The following PNPLA8 variants were observed in gnomAD, a reference collection of about 807,000 sequenced individuals.
The protein encoded by PNPLA8 is calcium-independent phospholipase A2-gamma.
Under a neutral mutation model 76.9 loss-of-function variants are expected in PNPLA8, and 39 were observed. The ratio of observed to expected loss-of-function variants is 0.51; its 90% CI spans 0.39 to 0.66. PNPLA8 has a LOEUF of 0.66. PNPLA8 is among the 30% of genes least tolerant of loss of function. The pLI, the probability that PNPLA8 is intolerant of heterozygous loss-of-function variation, is 0.00. For synonymous variants in PNPLA8, 301 were observed against 307.9 expected (o/e 0.98, Z 0.24); for missense variants, 887 against 918.0 (o/e 0.97, Z 0.44).
At chr7:108,491,541 G>A (rs893942133) in intron 7 of PNPLA8, 74 bp from the exon 8 acceptor site, 39 of 914,900 alleles carry the variant, frequency 4.3e-5, no homozygotes, top group Non-Finnish European at 6.9e-5. Flanking sequence ...CATACAGTAT[G>A]CAATTACTAT....
At chr7:108,522,859 A>G (rs1420369042) in intron 1 of PNPLA8, among the ~76,000 whole-genome samples, 1 of 152,242 alleles carries the variant, frequency 6.6e-6, no homozygotes. Context: ...ACAATTTCAT[A>G]ATCATGAGAG....
rs78488516 is a variant in PNPLA8, at chr7:108,515,820, G to C, written c.-83-246C>G. Among the ~76,000 whole-genome samples the C allele has an allele frequency of 8.9e-3, 1,354 of 152,306 alleles. 21 individuals carry two copies. The highest frequency in any genetic ancestry group is 0.029 in the African/African-American group (1,202 of 41,560). Reference sequence around the variant, plus strand: ...TAGGGAGAAGAACTAATTTAGGGAAGTTTCCCAATAGATAAGTCTTCCGTT... The same window carrying C: ...TAGGGAGAAGAACTAATTTAGGGAACTTTCCCAATAGATAAGTCTTCCGTT... On this transcript the variant is annotated intron_variant, in intron 2 of 10. Transcript: ENST00000257694.
intron 9 of PNPLA8, among the ~76,000 whole-genome samples, chr7:108,482,656 T>C (rs770910621): frequency 8.5e-5 from 13 of 152,230 alleles, no homozygotes; most frequent in Admixed American, 2.6e-4. Flanking sequence ...AATAATGGTA[T>C]GCCTTTCCAT....
intron 7 of PNPLA8, among the ~76,000 whole-genome samples, chr7:108,494,048 C>T (rs534796579): frequency 6.6e-6 from 1 of 151,962 alleles, no homozygotes; most frequent in East Asian, 1.9e-4. Context: ...GGAGCTGGGA[C>T]ATTTGGATTA....
intron 1 of PNPLA8, among the ~76,000 whole-genome samples, chr7:108,523,141 C>T (rs1863859173): frequency 6.6e-6 from 1 of 152,116 alleles, no homozygotes; most frequent in South Asian, 2.1e-4. Context: ...AACGGAGAGG[C>T]TGGGACCAAA....
At chr7:108,523,571 C>T (rs1863889414) in intron 1 of PNPLA8, among the ~76,000 whole-genome samples, 1 of 152,186 alleles carries the variant, frequency 6.6e-6, no homozygotes, top group Non-Finnish European at 1.5e-5. Context: ...ACCTACGTGG[C>T]TAATATGGTC....
intron 4 of PNPLA8, among the ~76,000 whole-genome samples, chr7:108,509,750 C>G (rs992293466): frequency 6.7e-5 from 10 of 149,184 alleles, no homozygotes; most frequent in Non-Finnish European, 1.5e-4. Flanking sequence ...CGGCATTATT[C>G]ACAATAGCAA....
chr7:108,482,014 G>A (rs1019091187), intron 9 of PNPLA8, among the ~76,000 whole-genome samples: 1 of 152,076 alleles, frequency 6.6e-6, no homozygotes, highest in African/African-American at 2.4e-5. Flanking sequence ...AGATCAAATG[G>A]CCATATATGT....
upstream of PNPLA8, among the ~76,000 whole-genome samples, chr7:108,527,400 C>A (rs1864133289): frequency 6.6e-6 from 1 of 152,186 alleles, no homozygotes; most frequent in Admixed American, 6.5e-5. Flanking sequence ...TATTTAGCTA[C>A]AGGAGAGTTA....
Position 108,507,071 on chromosome 7 carries a change from G to A in PNPLA8, c.1207-4429C>T, listed in dbSNP as rs888774171. Among the ~76,000 whole-genome samples the A allele has an allele frequency of 6.6e-5, 10 of 152,062 alleles. No individual in the cohort carries two copies. In the South Asian group the frequency reaches 1.2e-3, roughly 19 times the overall value. On this transcript the variant is annotated intron_variant, in intron 4 of 10. Transcript: ENST00000257694. ...AAACAGGCTCGGTGAGGCTGGGAGC[G>A]GTGGCTCACGCCTGTAATCCCAGCA...
At position 108,509,666 on chromosome 7, in the gene PNPLA8, T is replaced by C. The variant is rs962583906; in HGVS notation, c.1206+4478A>G. ...TAGAAATACCATTTGACCCAGCCAT[T>C]CCATTACTGGGTATATACCCATATG... On this transcript the variant is annotated intron_variant, in intron 4 of 10. Transcript: ENST00000257694. 5.9e-5 allele frequency among the ~76,000 whole-genome samples: 9 copies of C among 151,814 alleles called. No individual in the cohort carries two copies. The East Asian group carries it at 9.8e-4, about 17-fold the overall frequency.
chr7:108,522,122 C>T (rs1033858118), intron 1 of PNPLA8, among the ~76,000 whole-genome samples: 4 of 151,350 alleles, frequency 2.6e-5, no homozygotes, highest in Admixed American at 6.6e-5. Context: ...GGTGAAACCC[C>T]GTCTCTACTA....
At chr7:108,506,606 C>A (rs1335422417) in intron 4 of PNPLA8, among the ~76,000 whole-genome samples, 4 of 151,950 alleles carry the variant, frequency 2.6e-5, no homozygotes, top group Non-Finnish European at 4.4e-5. Context: ...AGTACTACTA[C>A]TAAATATTCC....
rs779909448 is a variant in PNPLA8 at position 108,514,503 on chromosome 7, G to A, written c.989C>T (p.Thr330Ile). 2.2e-5 allele frequency: 35 copies of A among 1,613,264 alleles called. No homozygotes were observed. The highest frequency in any genetic ancestry group is 9.3e-5 in the African/African-American group (7 of 74,922). The change falls in exon 3 of 11, where the codon ACT (threonine) becomes ATT (isoleucine). Residue 330 changes from threonine to isoleucine, a missense_variant. Transcript: ENST00000257694. The stretch of plus-strand genomic sequence containing the variant: ...TCTGTCTTTGCTGACAGCCTGATCA[G>A]TTTTAGCAGGCTCTTCCTGTTCTTC... ...QSEEQEEPAK[T>I]DQAVSKDRNA...
chr7:108,527,081 G>A (rs953985203), upstream of PNPLA8, among the ~76,000 whole-genome samples: 3 of 152,076 alleles, frequency 2.0e-5, no homozygotes, highest in South Asian at 2.1e-4. Flanking sequence ...CGTTGAGGTC[G>A]GGAAAACAGA....
At chr7:108,511,056 A>AAG (rs1554687527) in intron 4 of PNPLA8, 145 of 647,258 alleles carry the variant, frequency 2.2e-4, no homozygotes, top group Non-Finnish European at 2.7e-4. Context: ...AAAAAAAAAA[A>AAG]AAAGAAAACT....
chr7:108,480,156 C>T (rs1188297897), intron 9 of PNPLA8, among the ~76,000 whole-genome samples: 2 of 152,008 alleles, frequency 1.3e-5, no homozygotes, highest in African/African-American at 2.4e-5. Context: ...CGCTTGAGTC[C>T]GAGAGTTCAA....
At chr7:108,524,876 T>C (rs907548533) in intron 1 of PNPLA8, among the ~76,000 whole-genome samples, 4 of 152,076 alleles carry the variant, frequency 2.6e-5, no homozygotes, top group African/African-American at 4.8e-5. Context: ...TTTACAAATA[T>C]ATATTCCATG....
At chr7:108,481,866 T>C (rs897877243) in intron 9 of PNPLA8, among the ~76,000 whole-genome samples, 11 of 152,140 alleles carry the variant, frequency 7.2e-5, no homozygotes, top group African/African-American at 1.4e-4. Flanking sequence ...TAGGTCACAA[T>C]TTCTGGGGTG....
Sources: gnomAD v4.1 joint callset for allele counts (sites outside exome capture counted in the v4.1 genomes callset) on GRCh38, gnomAD v4.1.1 for gene constraint, MANE v1.5 for transcripts, NCBI Gene and HGNC (gene_info 2026-07-23, HGNC 2026-07-21) for gene names.